Variants in AP2A2 observed in about 807,000 individuals in gnomAD.
The protein encoded by AP2A2 is AP-2 complex subunit alpha-2.
AP2A2 carries 32 observed loss-of-function variants against 104.2 expected under a neutral mutation model. That is an observed-to-expected ratio of 0.31 (90% CI 0.23 to 0.41). The LOEUF is 0.41. AP2A2 is among the 10% of genes least tolerant of loss of function. The pLI, the probability that AP2A2 is intolerant of heterozygous loss-of-function variation, is 1.00. For synonymous variants in AP2A2, 539 were observed against 533.3 expected (o/e 1.01, Z -0.15); for missense variants, 912 against 1,261.0 (o/e 0.72, Z 4.19).
intron 15 of AP2A2, among the ~76,000 whole-genome samples, chr11:1,003,002 C>T (rs1167452581): frequency 6.6e-6 from 1 of 152,268 alleles, no homozygotes; most frequent in Non-Finnish European, 1.5e-5. Flanking sequence ...CCCCGCCTCC[C>T]TCTCCTCTCT....
chr11:957,864 C>G (rs1012574819), intron 1 of AP2A2, among the ~76,000 whole-genome samples: 3 of 152,252 alleles, frequency 2.0e-5, no homozygotes, highest in Admixed American at 6.5e-5. Context: ...ACTGTGTCTT[C>G]CGTGAGGGTA....
At chr11:986,188 G>A (rs1451881790) in intron 8 of AP2A2, among the ~76,000 whole-genome samples, 1 of 152,202 alleles carries the variant, frequency 6.6e-6, no homozygotes, top group Admixed American at 6.5e-5. Context: ...ATGAGGGCAC[G>A]TGCCAGGCTG....
chr11:974,827 C>A (rs7396862), intron 4 of AP2A2, among the ~76,000 whole-genome samples: 76,769 of 151,114 alleles, frequency 0.51, 20,051 homozygotes, highest in Middle Eastern at 0.67. Context: ...TCTACTAAAA[C>A]CAGAAAAATT....
chr11:959,829 GC>G (rs1331657229), intron 2 of AP2A2, among the ~76,000 whole-genome samples: 1 of 152,054 alleles, frequency 6.6e-6, no homozygotes, highest in Non-Finnish European at 1.5e-5. Flanking sequence ...TCTGTGTAAG[GC>G]GCCACCGAAC....
intron 6 of AP2A2, among the ~76,000 whole-genome samples, chr11:982,017 C>T (rs369701144): frequency 2.0e-5 from 3 of 152,256 alleles, no homozygotes; most frequent in African/African-American, 4.8e-5. Context: ...GGGTTTTAGT[C>T]ATCTGGGTGT....
chr11:991,170 GT>G (rs1326047756), intron 10 of AP2A2, among the ~76,000 whole-genome samples: 3 of 152,250 alleles, frequency 2.0e-5, no homozygotes, highest in African/African-American at 7.2e-5. Flanking sequence ...CGGGCATGGT[GT>G]TTCCCTCTGT....
intron 14 of AP2A2, chr11:995,364 C>T (rs950384267): frequency 1.5e-5 from 7 of 455,742 alleles, no homozygotes; most frequent in Non-Finnish European, 3.1e-5. Context: ...TTGAGAGTTG[C>T]GTTTTTGCTT....
intron 1 of AP2A2, among the ~76,000 whole-genome samples, chr11:946,209 A>G: frequency 6.6e-6 from 1 of 152,110 alleles, no homozygotes; most frequent in South Asian, 2.1e-4. Context: ...ACCTCCTCCC[A>G]TTCTCTTCTC....
chr11:956,680 T>G (rs1253247175), intron 1 of AP2A2: 1 of 152,218 alleles, frequency 6.6e-6, no homozygotes, highest in Admixed American at 6.5e-5. Context: ...GTGACATACA[T>G]GCAAGTGTTT....
intron 1 of AP2A2, chr11:946,775 A>AAAAAAAAAAAAAAAAAT (rs1215352579): frequency 6.6e-6 from 1 of 151,434 alleles, no homozygotes. Context: ...TGTCTCAAAA[A>AAAAAAAAAAAAAAAAAT]AAAAGAAATT....
chr11:999,039 T>C (rs1016441935), intron 14 of AP2A2, among the ~76,000 whole-genome samples: 5 of 152,104 alleles, frequency 3.3e-5, no homozygotes, highest in Admixed American at 2.0e-4. Flanking sequence ...GTGCACAGGC[T>C]GCTGTGGGGC....
At chr11:944,885 G>T (rs1853782008) in intron 1 of AP2A2, among the ~76,000 whole-genome samples, 1 of 137,436 alleles carries the variant, frequency 7.3e-6, no homozygotes, top group Admixed American at 7.4e-5. Context: ...GTTAGGTTGG[G>T]GGGAATGAAG....
chr11:977,569 T>C (rs905703005), intron 5 of AP2A2, among the ~76,000 whole-genome samples: 24 of 150,616 alleles, frequency 1.6e-4, no homozygotes, highest in African/African-American at 4.7e-4. Flanking sequence ...TAACGTGCAG[T>C]CTTACTAATC....
At chr11:982,744 A>T (rs1354350770) in intron 6 of AP2A2, among the ~76,000 whole-genome samples, 1 of 149,118 alleles carries the variant, frequency 6.7e-6, no homozygotes, top group Non-Finnish European at 1.5e-5. Flanking sequence ...TCTGCCTCCC[A>T]GGTTCAAGCG....
intron 1 of AP2A2, chr11:942,262 T>G (rs1305265379): frequency 6.6e-6 from 1 of 152,192 alleles, no homozygotes; most frequent in Non-Finnish European, 1.5e-5. Context: ...TTTGGGCAGG[T>G]GGTTCTGAGA....
chr11:945,116 G>A (rs937400628), intron 1 of AP2A2, among the ~76,000 whole-genome samples: 3 of 152,092 alleles, frequency 2.0e-5, no homozygotes, highest in Admixed American at 6.6e-5. Flanking sequence ...GGATGGTCTG[G>A]AAAGGGTGGG....
At chr11:954,556 T>C (rs1373795308) in intron 1 of AP2A2, among the ~76,000 whole-genome samples, 1 of 152,204 alleles carries the variant, frequency 6.6e-6, no homozygotes, top group African/African-American at 2.4e-5. Context: ...TTATGTGTGT[T>C]TGTAAATGTG....
At chr11:939,697 G>A (rs1457333049) in intron 1 of AP2A2, among the ~76,000 whole-genome samples, 3 of 151,904 alleles carry the variant, frequency 2.0e-5, no homozygotes, top group Non-Finnish European at 2.9e-5. Context: ...TGCCCTCCTC[G>A]GCCTCCCAAA....
rs114438449 is a variant in AP2A2 at position 993,520 on chromosome 11, T to C, written c.1550+139T>C. 3.8e-3 allele frequency: 2,630 copies of C among 693,302 alleles called. 52 individuals are homozygous for C. In the African/African-American group the frequency reaches 0.039, roughly 10 times the overall value. 42.9% of individuals were successfully genotyped at this position (693,302 alleles called of 1,614,324 possible). A position where few individuals can be genotyped will look rare whatever the true frequency, so the allele number is the denominator to read the frequency against. On this transcript the variant is annotated intron_variant, in intron 12 of 21. Transcript: ENST00000448903. This position sits in a 1 kb window ranked among gnomAD's most constrained non-coding sequence, Gnocchi z 8.2. ...CTGCTCCCCATCGGCGTCTTTTTGT[T>C]TTCCTTCAGTTGATAGAAAAAGCAG...
Sources: gnomAD v4.1 joint callset for allele counts (sites outside exome capture counted in the v4.1 genomes callset) on GRCh38, gnomAD v4.1.1 for gene constraint, Gnocchi (gnomAD v3.1) non-coding constraint, MANE v1.5 for transcripts, NCBI Gene and HGNC (gene_info 2026-07-23, HGNC 2026-07-21) for gene names.